The following SEPTIN9 variants were observed in gnomAD, a reference collection of about 807,000 sequenced individuals.
SEPTIN9 encodes the protein septin-9.
Under a neutral mutation model 56.6 loss-of-function variants are expected in SEPTIN9, and 13 were observed. That is an observed-to-expected ratio of 0.23 (90% CI 0.15 to 0.37). The LOEUF (loss-of-function observed/expected upper bound fraction) is 0.37, where lower values mean the gene tolerates loss of function less well. Ranked by LOEUF, SEPTIN9 falls within the 10% of genes least tolerant of loss-of-function variation. The pLI is 1.00. For synonymous variants in SEPTIN9, 332 were observed against 334.1 expected (o/e 0.99, Z 0.07); for missense variants, 650 against 823.1 (o/e 0.79, Z 2.57).
rs192346287 is a variant in SEPTIN9, at chr17:77,475,179, G to A, written c.722-6965G>A. On this transcript the variant is annotated intron_variant, in intron 3 of 11. Coordinates refer to ENST00000427177, the MANE Select transcript of SEPTIN9 (RefSeq NM_001113491.2). This position sits in a 1 kb window ranked among gnomAD's most constrained non-coding sequence, Gnocchi z 4.6. ...CTGGGGTGAGCGTGATGGATGAGGTGTCTGGCTTCACAAACCCTGTGTGGG... is the reference window on the plus strand; with the variant it reads ...CTGGGGTGAGCGTGATGGATGAGGTATCTGGCTTCACAAACCCTGTGTGGG... 1.8e-4 allele frequency: 216 copies of A among 1,171,268 alleles called. No homozygotes were observed. The African/African-American group carries it at 3.0e-3, about 16-fold the overall frequency. The allele number at this position is 1,171,268 out of a possible 1,614,324, so 72.6% of individuals were successfully genotyped here.
chr17:77,485,294 G>A (rs897916136), intron 4 of SEPTIN9, among the ~76,000 whole-genome samples: 1 of 146,556 alleles, frequency 6.8e-6, no homozygotes, highest in Admixed American at 6.8e-5. Flanking sequence ...GTGTTGATGG[G>A]GGTGATGATG....
At chr17:77,428,408 T>C (rs1568061542) in intron 3 of SEPTIN9, among the ~76,000 whole-genome samples, 1 of 152,322 alleles carries the variant, frequency 6.6e-6, no homozygotes, top group South Asian at 2.1e-4. Flanking sequence ...CTGTACCTAC[T>C]GGCAGATCAG....
chr17:77,281,577 G>A (rs1402904158), intron 1 of SEPTIN9, 23 bp downstream of exon 1: 1 of 1,535,618 alleles, frequency 6.5e-7, no homozygotes, highest in Non-Finnish European at 8.8e-7. Context: ...CCCGGGGTGG[G>A]GAGGGGTCGG....
intron 1 of SEPTIN9, chr17:77,288,281 G>A: frequency 1.1e-6 from 1 of 927,736 alleles, no homozygotes; most frequent in Non-Finnish European, 1.3e-6. Context: ...CTGCGCCATG[G>A]CCGGGGCCCT....
At chr17:77,496,970 G>A (rs11657614) in intron 10 of SEPTIN9, 13,238 of 388,122 alleles carry the variant, frequency 0.034, 384 homozygotes, top group South Asian at 0.094. Flanking sequence ...CCCCAGTGGT[G>A]CGGGGGCCCA....
rs887229394 is a variant in SEPTIN9, at chr17:77,433,019, TC to T, written c.721+30319del. On this transcript the variant is annotated intron_variant, in intron 3 of 11. Transcript: ENST00000427177. The surrounding 1 kb of genome is among the most constrained non-coding windows in gnomAD (Gnocchi z 6.4). ...TCCCCTGTCGCCGTGGCGGGGCTGT[TC>T]CCTCCTGCCCCTCCCCTCCCGCTGT... Among the ~76,000 whole-genome samples the T allele has an allele frequency of 1.1e-4, 16 of 152,126 alleles. No homozygotes were observed. Among genetic ancestry groups the T allele is most frequent in the African/African-American group, 3.9e-4 (16 of 41,418 alleles).
rs910438910 is a variant in SEPTIN9, at chr17:77,329,382, G to A, written c.76+22185G>A. Among the ~76,000 whole-genome samples, 1 of 152,188 alleles carries A rather than the reference G, an allele frequency of 6.6e-6. No individual in the cohort carries two copies. The highest frequency in any genetic ancestry group is 1.5e-5 in the Non-Finnish European group (1 of 68,020). On this transcript the variant is annotated intron_variant, in intron 2 of 11. Coordinates refer to ENST00000427177, the MANE Select transcript of SEPTIN9 (RefSeq NM_001113491.2). The surrounding 1 kb of genome is among the most constrained non-coding windows in gnomAD (Gnocchi z 4.3). ...TGGATGCTGACAGGTGGCCGGCCCT[G>A]CCCAGCCTTGCACTGCCCTGTGCTG...
chr17:77,345,197 G>A (rs2033853971), intron 2 of SEPTIN9, among the ~76,000 whole-genome samples: 1 of 152,100 alleles, frequency 6.6e-6, no homozygotes, highest in South Asian at 2.1e-4. Context: ...GTGTTTAATG[G>A]GGATAGAATT....
chr17:77,491,424 T>C (rs567917827), intron 8 of SEPTIN9, among the ~76,000 whole-genome samples: 5 of 151,910 alleles, frequency 3.3e-5, no homozygotes, highest in Non-Finnish European at 7.4e-5. Context: ...TCTCTAACCC[T>C]TGGGCTCAAG....
Position 77,475,821 on chromosome 17 carries a change from G to A in SEPTIN9, c.722-6323G>A. 6.2e-7 allele frequency: 1 copy of A among 1,613,514 alleles called. No homozygotes were observed. Among genetic ancestry groups the A allele is most frequent in the Non-Finnish European group, 8.5e-7 (1 of 1,179,894 alleles). ...GCCACCGGCTCCCCTGCCGTGGCCT[G>A]GTCAGTGGCTTCACAGGCCTCCGTG... On this transcript the variant is annotated intron_variant, in intron 3 of 11. Coordinates refer to ENST00000427177, the MANE Select transcript of SEPTIN9 (RefSeq NM_001113491.2). The surrounding 1 kb of genome is among the most constrained non-coding windows in gnomAD (Gnocchi z 4.6).
In SEPTIN9 at chr17:77,319,651, C is replaced by T. The variant is rs1006672096; in HGVS notation, c.76+12454C>T. Reference sequence around the variant, plus strand: ...CCTCCTGCCCAGCCACGTTGGGGTACAGGGTGAAGAAGGGCTGGGGCCAGC... The same window carrying T: ...CCTCCTGCCCAGCCACGTTGGGGTATAGGGTGAAGAAGGGCTGGGGCCAGC... On this transcript the variant is annotated intron_variant, in intron 2 of 11. Coordinates refer to ENST00000427177, the MANE Select transcript of SEPTIN9 (RefSeq NM_001113491.2). This position sits in a 1 kb window ranked among gnomAD's most constrained non-coding sequence, Gnocchi z 5.3. The T allele has an allele frequency of 5.6e-6, 6 of 1,062,846 alleles. No individual in the cohort carries two copies. Among genetic ancestry groups the T allele is most frequent in the Non-Finnish European group, 6.8e-6 (6 of 877,894 alleles). The allele number at this position is 1,062,846 out of a possible 1,614,324, so 65.8% of individuals were successfully genotyped here.
chr17:77,285,834 G>A (rs1057266316), intron 1 of SEPTIN9, among the ~76,000 whole-genome samples: 6 of 152,238 alleles, frequency 3.9e-5, no homozygotes, highest in Admixed American at 1.3e-4. Flanking sequence ...AGCTTCTGCC[G>A]TGATTCAGTG....
chr17:77,337,074 T>C (rs1483362264), intron 2 of SEPTIN9, among the ~76,000 whole-genome samples: 1 of 148,040 alleles, frequency 6.8e-6, no homozygotes, highest in Non-Finnish European at 1.5e-5. Flanking sequence ...CCATCGTAGC[T>C]CACTGCAGCC....
chr17:77,346,221 C>A (rs1415085588), intron 2 of SEPTIN9, among the ~76,000 whole-genome samples: 1 of 141,288 alleles, frequency 7.1e-6, no homozygotes, highest in Non-Finnish European at 1.5e-5. Flanking sequence ...GGATTACAGG[C>A]GTGAGCTACA....
At chr17:77,331,008 C>T (rs914025677) in intron 2 of SEPTIN9, among the ~76,000 whole-genome samples, 5 of 152,184 alleles carry the variant, frequency 3.3e-5, no homozygotes, top group East Asian at 3.9e-4. Flanking sequence ...GCCATGCCAG[C>T]AGGCCCTGCT....
chr17:77,495,224 A>C (rs879640059), intron 10 of SEPTIN9, among the ~76,000 whole-genome samples: 84 of 152,306 alleles, frequency 5.5e-4, no homozygotes, highest in Admixed American at 9.8e-4. Flanking sequence ...GTTGTTGAGC[A>C]CCACTGGCTC....
intron 2 of SEPTIN9, among the ~76,000 whole-genome samples, chr17:77,352,163 C>T (rs1424102902): frequency 2.6e-5 from 4 of 151,564 alleles, no homozygotes; most frequent in African/African-American, 7.3e-5. Flanking sequence ...TTTGGGAGGC[C>T]GAGGCGGTTG....
In SEPTIN9 at chr17:77,389,669, C is replaced by T. The variant is rs987268691; in HGVS notation, c.77-12390C>T. ...ACCCTCCCACACAGATCCGTCCCAC[C>T]CTTCTGCTGCCTTCCACCAGGGACG... is the stretch of plus-strand genomic sequence containing the variant. On this transcript the variant is annotated intron_variant, in intron 2 of 11. Coordinates refer to ENST00000427177, the MANE Select transcript of SEPTIN9 (RefSeq NM_001113491.2). This position sits in a 1 kb window ranked among gnomAD's most constrained non-coding sequence, Gnocchi z 4.3. Among the ~76,000 whole-genome samples the T allele has an allele frequency of 6.6e-6, 1 of 151,998 alleles. No individual in the cohort carries two copies. The highest frequency in any genetic ancestry group is 6.5e-5 in the Admixed American group (1 of 15,280).
At chr17:77,442,537 G>T (rs545562475) in intron 3 of SEPTIN9, among the ~76,000 whole-genome samples, 120 of 150,900 alleles carry the variant, frequency 8.0e-4, no homozygotes, top group African/African-American at 2.8e-3. Context: ...AAGAACTTAG[G>T]GCCCGTATAC....
Sources: gnomAD v4.1 joint callset for allele counts (sites outside exome capture counted in the v4.1 genomes callset) on GRCh38, gnomAD v4.1.1 for gene constraint, Gnocchi (gnomAD v3.1) non-coding constraint, MANE v1.5 for transcripts, NCBI Gene and HGNC (gene_info 2026-07-23, HGNC 2026-07-21) for gene names.